The following FHOD3 variants were observed in gnomAD, a reference collection of about 807,000 sequenced individuals.
FHOD3 encodes FH1/FH2 domain-containing protein 3.
A neutral mutation model predicts 173.0 loss-of-function variants in FHOD3; 90 were observed. That is an observed-to-expected ratio of 0.52 (90% confidence interval 0.44 to 0.62). The LOEUF is 0.62. Among genes scored for constraint, FHOD3 ranks in the 20% least tolerant of loss-of-function variants. The probability of loss-of-function intolerance (pLI) is 0.00; values close to 1 mark genes in which losing one functional copy is unlikely to be tolerated. For missense variants in FHOD3, 1,945 were observed against 2,034.7 expected (o/e 0.96, Z 0.85); for synonymous variants, 828 against 823.0 (o/e 1.01, Z -0.10).
intron 3 of FHOD3, among the ~76,000 whole-genome samples, chr18:36,474,940 C>T (rs1462106195): frequency 6.6e-6 from 1 of 151,238 alleles, no homozygotes; most frequent in African/African-American, 2.4e-5. Context: ...TAGTTTTGGG[C>T]TCAGCTAGTT....
At chr18:36,663,859 C>A (rs1384533663) in intron 14 of FHOD3, among the ~76,000 whole-genome samples, 1 of 152,206 alleles carries the variant, frequency 6.6e-6, no homozygotes, top group African/African-American at 2.4e-5. Flanking sequence ...GTTGCCAATT[C>A]CAAGTGGACT....
chr18:36,654,067 A>T (rs909600885), intron 13 of FHOD3, among the ~76,000 whole-genome samples: 1 of 152,132 alleles, frequency 6.6e-6, no homozygotes, highest in Non-Finnish European at 1.5e-5. Flanking sequence ...TCATTTAGGC[A>T]GTCAGTCACT....
intron 5 of FHOD3, among the ~76,000 whole-genome samples, chr18:36,562,718 G>T (rs1467592358): frequency 6.6e-6 from 1 of 152,208 alleles, no homozygotes; most frequent in Non-Finnish European, 1.5e-5. Flanking sequence ...GCCTGCTGGG[G>T]AGAGCCATAA....
intron 13 of FHOD3, among the ~76,000 whole-genome samples, chr18:36,657,806 A>T (rs978568880): frequency 6.6e-6 from 1 of 152,230 alleles, no homozygotes; most frequent in Admixed American, 6.5e-5. Flanking sequence ...CGTACATTTT[A>T]AAAAACAGGA....
intron 10 of FHOD3, among the ~76,000 whole-genome samples, chr18:36,641,102 T>C (rs1271890753): frequency 1.3e-5 from 2 of 152,030 alleles, no homozygotes; most frequent in Non-Finnish European, 2.9e-5. Flanking sequence ...CCGAACGCTG[T>C]GCTAGGTCCT....
At chr18:36,499,999 T>G (rs143454965) in intron 3 of FHOD3, among the ~76,000 whole-genome samples, 2 of 152,294 alleles carry the variant, frequency 1.3e-5, no homozygotes, top group East Asian at 3.9e-4. Context: ...CCCTGCCACT[T>G]AGCAGCAATA....
intron 3 of FHOD3, among the ~76,000 whole-genome samples, chr18:36,445,760 G>A (rs1015128576): frequency 6.6e-6 from 1 of 152,132 alleles, no homozygotes; most frequent in Non-Finnish European, 1.5e-5. Context: ...CTTTCCATTC[G>A]AGGTTGCCCC....
At chr18:36,533,776 G>A (rs887695805) in intron 5 of FHOD3, among the ~76,000 whole-genome samples, 3 of 152,150 alleles carry the variant, frequency 2.0e-5, no homozygotes, top group African/African-American at 4.8e-5. Flanking sequence ...GATGAAAGAG[G>A]CTCCCCGAGG....
intron 24 of FHOD3, among the ~76,000 whole-genome samples, chr18:36,748,385 ACACAC>A (rs1568724022): frequency 1.3e-3 from 116 of 89,950 alleles, no homozygotes; most frequent in African/African-American, 5.1e-3. Flanking sequence ...CACACACAAC[ACACAC>A]ACACACACAC....
At chr18:36,643,323 G>C (rs2035463988) in intron 10 of FHOD3, among the ~76,000 whole-genome samples, 1 of 151,840 alleles carries the variant, frequency 6.6e-6, no homozygotes, top group South Asian at 2.1e-4. Flanking sequence ...TGCATTGTGG[G>C]ATGTTTTACA....
chr18:36,439,165 T>G (rs2050983342), intron 3 of FHOD3, among the ~76,000 whole-genome samples: 1 of 152,260 alleles, frequency 6.6e-6, no homozygotes, highest in Non-Finnish European at 1.5e-5. Context: ...TATTGAATGC[T>G]CCTTCATTGT....
At chr18:36,683,349 A>T (rs2038381618) in intron 15 of FHOD3, among the ~76,000 whole-genome samples, 1 of 151,908 alleles carries the variant, frequency 6.6e-6, no homozygotes, top group African/African-American at 2.4e-5. Context: ...TTTATTGAAA[A>T]CCTCTTGAAA....
intron 7 of FHOD3, among the ~76,000 whole-genome samples, chr18:36,600,901 G>A (rs1293615907): frequency 1.3e-5 from 2 of 152,168 alleles, no homozygotes; most frequent in East Asian, 3.9e-4. Context: ...CCATGCATGG[G>A]TAACTCACTA....
chr18:36,341,869 A>G (rs889221343), intron 1 of FHOD3, among the ~76,000 whole-genome samples: 5 of 152,190 alleles, frequency 3.3e-5, no homozygotes, highest in African/African-American at 1.2e-4. Flanking sequence ...TTCAATAAAG[A>G]TTTATTCGAT....
chr18:36,649,311 C>G lies in FHOD3; in HGVS notation c.1197-5C>G, dbSNP rs780993741. The G allele has an allele frequency of 2.7e-5, 42 of 1,534,676 alleles. 1 individual carries two copies. The South Asian group carries it at 4.8e-4, about 17-fold the overall frequency. ...TGCATTTCTCTTTTCCTGGCTTTGTCTCAGGGAGGAGGAGGAGGAAGAGGA... is the reference window on the plus strand; with the variant it reads ...TGCATTTCTCTTTTCCTGGCTTTGTGTCAGGGAGGAGGAGGAGGAAGAGGA... On this transcript the variant is annotated splice_polypyrimidine_tract_variant and splice_region_variant and intron_variant, in intron 10 of 28. Coordinates refer to ENST00000590592, the MANE Select transcript of FHOD3 (RefSeq NM_001281740.3).
intron 17 of FHOD3, among the ~76,000 whole-genome samples, chr18:36,706,490 A>G (rs961169314): frequency 2.6e-4 from 39 of 151,782 alleles, no homozygotes; most frequent in African/African-American, 8.0e-4. Context: ...ATGAAATTGT[A>G]CTCCTCCCCC....
At chr18:36,582,194 C>G (rs1271342579) in intron 6 of FHOD3, among the ~76,000 whole-genome samples, 2 of 152,116 alleles carry the variant, frequency 1.3e-5, no homozygotes, top group African/African-American at 2.4e-5. Flanking sequence ...GCCTGGTGCT[C>G]CATGTGCCCC....
intron 3 of FHOD3, among the ~76,000 whole-genome samples, chr18:36,440,584 C>A (rs1197169366): frequency 1.3e-5 from 2 of 152,248 alleles, no homozygotes; most frequent in Non-Finnish European, 2.9e-5. Context: ...CTCTGACCAC[C>A]AAGCCCCCAA....
chr18:36,505,832 C>T (rs772816828), intron 4 of FHOD3, among the ~76,000 whole-genome samples: 3 of 152,166 alleles, frequency 2.0e-5, no homozygotes, highest in Non-Finnish European at 4.4e-5. Context: ...ATGGGAAATA[C>T]GGGTGCCAAG....
Sources: gnomAD v4.1 joint callset for allele counts (sites outside exome capture counted in the v4.1 genomes callset) on GRCh38, gnomAD v4.1.1 for gene constraint, MANE v1.5 for transcripts, NCBI Gene and HGNC (gene_info 2026-07-23, HGNC 2026-07-21) for gene names.